SLC38A9: variants seen among roughly 807,000 people sequenced by gnomAD.
SLC38A9 encodes the protein solute carrier family 38 member 9, also known as neutral amino acid transporter 9.
SLC38A9 carries 48 observed loss-of-function variants against 62.3 expected under a neutral mutation model. That is an observed-to-expected ratio of 0.77 (90% CI 0.61 to 0.98). The LOEUF (loss-of-function observed/expected upper bound fraction) is 0.98, where lower values mean the gene tolerates loss of function less well. Ranked by LOEUF, SLC38A9 falls within the 50% of genes least tolerant of loss-of-function variation. The pLI is 0.00. For missense variants in SLC38A9, 541 were observed against 679.8 expected (o/e 0.80, Z 2.27); for synonymous variants, 204 against 227.7 (o/e 0.90, Z 0.94).
intron 13 of SLC38A9, chr5:55,634,208 T>C (rs544323780): frequency 2.4e-5 from 5 of 205,388 alleles, no homozygotes; most frequent in Middle Eastern, 1.7e-3. Flanking sequence ...TCACCACAGA[T>C]AGATCGAGAA....
chr5:55,640,342 AG>A (rs1706086188), intron 12 of SLC38A9, among the ~76,000 whole-genome samples: 1 of 152,188 alleles, frequency 6.6e-6, no homozygotes, highest in Non-Finnish European at 1.5e-5. Context: ...AAGTGACAAA[AG>A]GTGAATCAAA....
At chr5:55,653,572 C>A (rs1481179264) in intron 9 of SLC38A9, among the ~76,000 whole-genome samples, 1 of 152,066 alleles carries the variant, frequency 6.6e-6, no homozygotes, top group East Asian at 1.9e-4. Context: ...TCCCAACAAT[C>A]CAAAATAATT....
intron 3 of SLC38A9, among the ~76,000 whole-genome samples, chr5:55,687,072 T>TTTTTG (rs1753963841): frequency 4.4e-5 from 1 of 22,500 alleles, no homozygotes; most frequent in African/African-American, 1.0e-4. Context: ...TTTGTTTTTT[T>TTTTTG]TTTTTTTTTT....
intron 3 of SLC38A9, among the ~76,000 whole-genome samples, chr5:55,693,850 C>T (rs1223628860): frequency 6.6e-6 from 1 of 151,974 alleles, no homozygotes; most frequent in Non-Finnish European, 1.5e-5. Context: ...TGCTTGAGCC[C>T]TGGAGTTCAA....
chr5:55,686,849 C>A (rs901850842), intron 3 of SLC38A9, among the ~76,000 whole-genome samples: 1 of 152,114 alleles, frequency 6.6e-6, no homozygotes, highest in African/African-American at 2.4e-5. Context: ...ACTCAGTTAT[C>A]CCAGCAGCAT....
At chr5:55,633,589 C>G in intron 14 of SLC38A9, 165 bp downstream of exon 14, 10 of 861,176 alleles carry the variant, frequency 1.2e-5, no homozygotes. Flanking sequence ...GGAGTGGCTT[C>G]TATTTTTAAA....
At chr5:55,683,170 A>G (rs16884434) in intron 3 of SLC38A9, among the ~76,000 whole-genome samples, 91,203 of 152,040 alleles carry the variant, frequency 0.6, 27,948 homozygotes, top group South Asian at 0.7. Context: ...AAAACGTCAT[A>G]GAAAAGAAGG....
At position 55,692,169 on chromosome 5, in the gene SLC38A9, C is replaced by A. The variant is rs112763807; in HGVS notation, c.113+5677G>T. 1.6e-4 allele frequency among the ~76,000 whole-genome samples: 24 copies of A among 152,098 alleles called. No homozygotes were observed. In the East Asian group the frequency reaches 3.9e-3, roughly 24 times the overall value. ...AAACTAGTTGGTATTTAATGCAATG[C>A]GTATTAGAAAAAAAGCATAAACAAC... On this transcript the variant is annotated intron_variant, in intron 3 of 15. Coordinates refer to ENST00000396865, the MANE Select transcript of SLC38A9 (RefSeq NM_173514.4).
intron 2 of SLC38A9, 70 bp from the exon 3 acceptor site, chr5:55,698,062 A>C: frequency 1.7e-6 from 1 of 595,252 alleles, no homozygotes; most frequent in Admixed American, 3.8e-5. Context: ...ATAAATATTC[A>C]TGAATAACAA....
chr5:55,643,827 T>C (rs1745832391), intron 12 of SLC38A9, among the ~76,000 whole-genome samples: 1 of 152,242 alleles, frequency 6.6e-6, no homozygotes, highest in South Asian at 2.1e-4. Flanking sequence ...GTCTATTTCA[T>C]CTGATATCAA....
intron 12 of SLC38A9, among the ~76,000 whole-genome samples, chr5:55,643,628 A>C (rs1266275459): frequency 6.6e-6 from 1 of 152,182 alleles, no homozygotes; most frequent in Non-Finnish European, 1.5e-5. Context: ...GAGGGTGATA[A>C]AACGTCCAAT....
At chr5:55,699,955 C>A (rs773076636) in intron 2 of SLC38A9, among the ~76,000 whole-genome samples, 1 of 152,130 alleles carries the variant, frequency 6.6e-6, no homozygotes, top group Non-Finnish European at 1.5e-5. Context: ...GAAGTAATAT[C>A]TGTAGAGATA....
intron 3 of SLC38A9, among the ~76,000 whole-genome samples, chr5:55,679,567 G>T (rs972546728): frequency 2.0e-5 from 3 of 149,950 alleles, no homozygotes; most frequent in Non-Finnish European, 4.4e-5. Context: ...TCTACAAAAT[G>T]ATCAGTAAAA....
intron 3 of SLC38A9, chr5:55,675,249 G>A (rs546483340): frequency 6.6e-6 from 1 of 152,330 alleles, no homozygotes; most frequent in South Asian, 2.1e-4. Context: ...AACTGTACCA[G>A]TTTAGTTGGC....
At chr5:55,646,286 G>T (rs978642554) in intron 11 of SLC38A9, among the ~76,000 whole-genome samples, 1 of 152,038 alleles carries the variant, frequency 6.6e-6, no homozygotes, top group Non-Finnish European at 1.5e-5. Flanking sequence ...CAGGGGAATC[G>T]CTTGAACCTA....
intron 3 of SLC38A9, among the ~76,000 whole-genome samples, chr5:55,674,260 A>T (rs1751770030): frequency 1.3e-5 from 2 of 152,178 alleles, no homozygotes; most frequent in Non-Finnish European, 2.9e-5. Flanking sequence ...TATAGAGCAA[A>T]TATGTGGATA....
intron 2 of SLC38A9, among the ~76,000 whole-genome samples, chr5:55,706,019 C>T (rs1311645405): frequency 1.3e-5 from 2 of 152,154 alleles, no homozygotes; most frequent in Non-Finnish European, 2.9e-5. Context: ...GCTTTAAACT[C>T]TTTAAGACAT....
At chr5:55,669,378 A>C in intron 6 of SLC38A9, 57 bp from the exon 7 acceptor site, 1 of 1,460,378 alleles carries the variant, frequency 6.8e-7, no homozygotes, top group East Asian at 2.3e-5. Flanking sequence ...ATAAATTCAT[A>C]TGCAATTATT....
chr5:55,687,168 G>C (rs775758200), intron 3 of SLC38A9, among the ~76,000 whole-genome samples: 1 of 149,926 alleles, frequency 6.7e-6, no homozygotes, highest in Non-Finnish European at 1.5e-5. Flanking sequence ...GGCCGGGCGC[G>C]GTGGCTCACG....
Sources: allele counts gnomAD v4.1 joint callset (sites outside exome capture counted in the v4.1 genomes callset), GRCh38; gene constraint gnomAD v4.1.1; transcripts MANE v1.5; gene names NCBI Gene and HGNC (gene_info 2026-07-23, HGNC 2026-07-21).